AK9: variants seen among roughly 807,000 people sequenced by gnomAD.
AK9 encodes the protein adenylate kinase domain containing 1.
Under a neutral mutation model 239.6 loss-of-function variants are expected in AK9, and 191 were observed. That is an observed-to-expected ratio of 0.80 (90% CI 0.71 to 0.90). The LOEUF is 0.90. Among genes scored for constraint, AK9 ranks in the 40% least tolerant of loss-of-function variants. The probability of loss-of-function intolerance (pLI) is 0.00; values close to 1 mark genes in which losing one functional copy is unlikely to be tolerated. For missense variants in AK9, 1,995 were observed against 2,214.7 expected (o/e 0.90, Z 1.99); for synonymous variants, 689 against 721.0 (o/e 0.96, Z 0.71).
At chr6:109,599,128 T>C (rs1464970462) in intron 17 of AK9, among the ~76,000 whole-genome samples, 1 of 152,240 alleles carries the variant, frequency 6.6e-6, no homozygotes, top group Non-Finnish European at 1.5e-5. Flanking sequence ...CTTTTGGTGT[T>C]TTAGACATGA....
chr6:109,592,295 T>C (rs1790355404), intron 17 of AK9, among the ~76,000 whole-genome samples: 2 of 152,168 alleles, frequency 1.3e-5, no homozygotes, highest in South Asian at 4.1e-4. Flanking sequence ...GGCAAAGTTA[T>C]CTCAGGGTAA....
At chr6:109,635,267 G>A (rs1468555384) in intron 10 of AK9, among the ~76,000 whole-genome samples, 3 of 152,222 alleles carry the variant, frequency 2.0e-5, no homozygotes, top group African/African-American at 4.8e-5. Context: ...TCAGAGATAG[G>A]TGAAAGCTAA....
In AK9 at chr6:109,551,721, TA is replaced by T. The variant is rs369155662; in HGVS notation, c.2752-1420del. Among the ~76,000 whole-genome samples the T allele has an allele frequency of 6.1e-3, 917 of 151,498 alleles. 13 individuals carry two copies. Among genetic ancestry groups the T allele is most frequent in the African/African-American group, 0.021 (871 of 41,316 alleles). ...TTTTAGTAATTGATTTTATTTGGGG[TA>T]AAATCCTTTCAAGTCCTTATAATTT... On this transcript the variant is annotated intron_variant, in intron 24 of 40. Transcript: ENST00000424296.
At chr6:109,498,512 T>C (rs1430291645) in intron 36 of AK9, among the ~76,000 whole-genome samples, 1 of 152,272 alleles carries the variant, frequency 6.6e-6, no homozygotes, top group East Asian at 1.9e-4. Flanking sequence ...TTTTTCTTGT[T>C]GTTGTTTTCA....
chr6:109,514,746 A>G (rs576856736), intron 31 of AK9, among the ~76,000 whole-genome samples: 1 of 152,306 alleles, frequency 6.6e-6, no homozygotes, highest in South Asian at 2.1e-4. Flanking sequence ...GGTTGTTTGC[A>G]TTTATTCACA....
At chr6:109,541,534 C>T (rs925370927) in intron 27 of AK9, among the ~76,000 whole-genome samples, 6 of 152,178 alleles carry the variant, frequency 3.9e-5, no homozygotes, top group African/African-American at 4.8e-5. Flanking sequence ...CCTAAGCCTC[C>T]GGAGTAGCTG....
intron 17 of AK9, among the ~76,000 whole-genome samples, chr6:109,598,403 T>A (rs12209401): frequency 0.2 from 30,746 of 152,180 alleles, 3,381 homozygotes; most frequent in South Asian, 0.33. Flanking sequence ...GGACACGAAC[T>A]CATCATTTTT....
intron 1 of AK9, among the ~76,000 whole-genome samples, chr6:109,683,207 G>T (rs779382946): frequency 2.0e-5 from 3 of 152,070 alleles, no homozygotes; most frequent in Admixed American, 2.0e-4. Flanking sequence ...CCTCATTCAC[G>T]CTAAAAACTC....
At chr6:109,538,853 T>C (rs538216975) in intron 27 of AK9, among the ~76,000 whole-genome samples, 1 of 152,318 alleles carries the variant, frequency 6.6e-6, no homozygotes, top group Non-Finnish European at 1.5e-5. Context: ...TTATTTCTCC[T>C]TCAGTTATGA....
At chr6:109,518,808 TA>T (rs1187257363) in intron 29 of AK9, among the ~76,000 whole-genome samples, 20 of 152,044 alleles carry the variant, frequency 1.3e-4, no homozygotes, top group African/African-American at 4.6e-4. Flanking sequence ...TTCAATGAAT[TA>T]AAAAAAATTT....
chr6:109,685,210 C>T (rs932656045), intron 1 of AK9, among the ~76,000 whole-genome samples: 3 of 151,966 alleles, frequency 2.0e-5, no homozygotes, highest in South Asian at 2.1e-4. Flanking sequence ...ACCATTTGAC[C>T]CAGTAATCTC....
chr6:109,583,720 A>G (rs1789138361), intron 19 of AK9, among the ~76,000 whole-genome samples: 1 of 152,158 alleles, frequency 6.6e-6, no homozygotes, highest in African/African-American at 2.4e-5. Flanking sequence ...CATATGGTTA[A>G]AGAGGTGAAG....
chr6:109,628,068 G>A (rs1272436654), intron 12 of AK9, among the ~76,000 whole-genome samples: 6 of 152,178 alleles, frequency 3.9e-5, no homozygotes, highest in African/African-American at 1.4e-4. Context: ...TGTAGGCTTG[G>A]TAAGGGAGGG....
At chr6:109,494,241 C>A in intron 39 of AK9, 146 bp from the exon 40 acceptor site, 1 of 517,784 alleles carries the variant, frequency 1.9e-6, no homozygotes, top group South Asian at 3.3e-5. Context: ...GGTTAGATGA[C>A]CAGTTAGCCA....
chr6:109,561,796 A>T (rs578149346), intron 24 of AK9, among the ~76,000 whole-genome samples: 1 of 152,156 alleles, frequency 6.6e-6, no homozygotes, highest in East Asian at 1.9e-4. Flanking sequence ...GTGCTATTAT[A>T]ATATTTTCTT....
rs1793438967 is a variant in AK9 at position 109,610,432 on chromosome 6, G to A, written c.1775C>T (p.Ser592Leu). 1 of 1,551,342 alleles carries A rather than the reference G, an allele frequency of 6.4e-7. No individual in the cohort carries two copies. The highest frequency in any genetic ancestry group is 2.0e-5 in the Admixed American group (1 of 50,962). ...VTMIEETIKM[S>L]QDINFEQPYE... The stretch of plus-strand genomic sequence containing the variant: ...TGGCTGTTCAAAGTTTATATCCTGT[G>A]ACATTTTTATAGTCTCTTCAATCAT... The change falls in exon 17 of 41, where the codon TCA (serine) becomes TTA (leucine). Residue 592 changes from serine (S) to leucine (L), a missense_variant. Around this residue, in one of 5 missense-constraint regions of AK9, gnomAD observed 1,290 missense variants for 1,392.7 expected, o/e 0.93. Coordinates refer to ENST00000424296, the MANE Select transcript of AK9 (RefSeq NM_001145128.3).
At chr6:109,544,262 C>G (rs2128152908) in intron 26 of AK9, among the ~76,000 whole-genome samples, 1 of 152,286 alleles carries the variant, frequency 6.6e-6, no homozygotes, top group South Asian at 2.1e-4. Context: ...CTATCTATAT[C>G]AGAAATGGTT....
rs147049469 is a variant in AK9, at chr6:109,643,569, C to T, written c.834+1045G>A. ...CTTTAGTTTTTTTCCTTGCTTGGAA[C>T]GGAGTGATCTTTCTTAAACAGAAAT... On this transcript the variant is annotated intron_variant, in intron 9 of 40. Transcript: ENST00000424296. Among the ~76,000 whole-genome samples the T allele has an allele frequency of 6.9e-3, 1,049 of 152,296 alleles. 6 individuals carry two copies. Among genetic ancestry groups the T allele is most frequent in the Non-Finnish European group, 0.011 (777 of 68,026 alleles).
At chr6:109,511,939 T>C (rs1778794378) in intron 32 of AK9, among the ~76,000 whole-genome samples, 1 of 152,198 alleles carries the variant, frequency 6.6e-6, no homozygotes, top group South Asian at 2.1e-4. Flanking sequence ...TTCTGCTGTC[T>C]TTGGAAAATA....
Sources: gnomAD v4.1 joint callset for allele counts (sites outside exome capture counted in the v4.1 genomes callset) on GRCh38, gnomAD v4.1.1 for gene constraint, gnomAD v4.1.1 regional missense constraint, MANE v1.5 for transcripts, NCBI Gene and HGNC (gene_info 2026-07-23, HGNC 2026-07-21) for gene names.